The following KSR2 variants were observed in gnomAD, a reference collection of about 807,000 sequenced individuals.
KSR2 encodes kinase suppressor of ras 2.
Under a neutral mutation model 107.8 loss-of-function variants are expected in KSR2, and 25 were observed. The observed-to-expected ratio is 0.23, with a 90% CI of 0.17 to 0.32. The LOEUF is 0.32. Ranked by LOEUF, KSR2 falls within the 10% of genes least tolerant of loss-of-function variation. The pLI is 1.00. For synonymous variants in KSR2, 480 were observed against 507.0 expected (o/e 0.95, Z 0.71); for missense variants, 887 against 1,268.9 (o/e 0.70, Z 4.57).
At chr12:117,517,387 T>C (rs536113765) in intron 14 of KSR2, among the ~76,000 whole-genome samples, 1 of 152,310 alleles carries the variant, frequency 6.6e-6, no homozygotes, top group Non-Finnish European at 1.5e-5. Context: ...TTTTCTTCTT[T>C]CTGCTGATCT....
intron 5 of KSR2, among the ~76,000 whole-genome samples, chr12:117,656,994 AT>A (rs1350892626): frequency 9.0e-6 from 1 of 110,548 alleles, no homozygotes; most frequent in Non-Finnish European, 1.8e-5. Flanking sequence ...ATATATATAT[AT>A]ATATATATAT....
intron 3 of KSR2, among the ~76,000 whole-genome samples, chr12:117,838,686 G>A (rs1892343351): frequency 6.6e-6 from 1 of 152,084 alleles, no homozygotes; most frequent in Admixed American, 6.6e-5. Flanking sequence ...CCACTACAGA[G>A]TTCTCCACAG....
intron 3 of KSR2, among the ~76,000 whole-genome samples, chr12:117,788,853 CTGATCT>C (rs1282707405): frequency 6.6e-6 from 1 of 152,170 alleles, no homozygotes; most frequent in East Asian, 1.9e-4. Context: ...GAAGACAAAG[CTGATCT>C]TCTCAAGTTG....
At chr12:117,617,200 T>G (rs1325632417) in intron 5 of KSR2, among the ~76,000 whole-genome samples, 1 of 152,216 alleles carries the variant, frequency 6.6e-6, no homozygotes, top group African/African-American at 2.4e-5. Context: ...ACCTTTTCAA[T>G]GGGTCCTATA....
intron 3 of KSR2, among the ~76,000 whole-genome samples, chr12:117,794,106 T>A (rs62644115): frequency 0.63 from 24,662 of 39,296 alleles, 8,416 homozygotes; most frequent in African/African-American, 0.89. Flanking sequence ...ACATGCACAC[T>A]CACACCAACA....
intron 4 of KSR2, among the ~76,000 whole-genome samples, chr12:117,711,630 G>A (rs929977507): frequency 5.3e-5 from 8 of 152,318 alleles, no homozygotes; most frequent in Non-Finnish European, 8.8e-5. Context: ...GAAGACAGGA[G>A]TCTGGGATGC....
intron 5 of KSR2, among the ~76,000 whole-genome samples, chr12:117,583,949 G>A (rs943338671): frequency 1.3e-5 from 2 of 152,176 alleles, no homozygotes; most frequent in African/African-American, 2.4e-5. Flanking sequence ...TCGGGGAGCC[G>A]GGCATGTCAG....
intron 4 of KSR2, among the ~76,000 whole-genome samples, chr12:117,752,348 C>T (rs1387793827): frequency 6.6e-6 from 1 of 152,154 alleles, no homozygotes; most frequent in East Asian, 1.9e-4. Context: ...TCTAGATGTG[C>T]TTTGGGGAAA....
At chr12:117,945,579 CAGG>C (rs1447325062) in intron 1 of KSR2, among the ~76,000 whole-genome samples, 1 of 152,118 alleles carries the variant, frequency 6.6e-6, no homozygotes, top group Non-Finnish European at 1.5e-5. Flanking sequence ...GAGGCTGAGG[CAGG>C]AGAATTACTT....
intron 4 of KSR2, among the ~76,000 whole-genome samples, chr12:117,732,493 T>G (rs933601819): frequency 6.6e-6 from 1 of 152,132 alleles, no homozygotes; most frequent in Non-Finnish European, 1.5e-5. Flanking sequence ...TTTCACCATG[T>G]TGGCCAGGTT....
At chr12:117,611,798 A>G (rs1184746647) in intron 5 of KSR2, among the ~76,000 whole-genome samples, 1 of 152,224 alleles carries the variant, frequency 6.6e-6, no homozygotes, top group Non-Finnish European at 1.5e-5. Context: ...AAGAAAGGAA[A>G]TTCTGACACA....
chr12:117,740,466 T>TGTAGTACATATATTA (rs1888147293), intron 4 of KSR2, among the ~76,000 whole-genome samples: 1 of 48,756 alleles, frequency 2.1e-5, no homozygotes, highest in Non-Finnish European at 4.7e-5. Context: ...ACATATATTA[T>TGTAGTACATATATTA]ATGTAATATA....
chr12:117,821,492 C>T (rs984695929), intron 3 of KSR2, among the ~76,000 whole-genome samples: 5 of 152,142 alleles, frequency 3.3e-5, no homozygotes, highest in African/African-American at 7.2e-5. Flanking sequence ...TGTAGGAATA[C>T]GTATATTCAT....
intron 1 of KSR2, among the ~76,000 whole-genome samples, chr12:117,869,579 G>A (rs959641064): frequency 6.6e-6 from 1 of 152,142 alleles, no homozygotes; most frequent in Non-Finnish European, 1.5e-5. Flanking sequence ...TTCTGTGGAC[G>A]ATTTCTTTTT....
chr12:117,809,776 C>T (rs577911792), intron 3 of KSR2, among the ~76,000 whole-genome samples: 2 of 152,234 alleles, frequency 1.3e-5, no homozygotes, highest in East Asian at 1.9e-4. Context: ...GCATCCAGCT[C>T]CTAGCAGGAG....
rs184640701 is a variant in KSR2, at chr12:117,599,393, C to T, written c.1172-17034G>A. 1.1e-3 allele frequency among the ~76,000 whole-genome samples: 166 copies of T among 152,248 alleles called. 1 individual carries two copies. The highest frequency in any genetic ancestry group is 3.8e-3 in the African/African-American group (157 of 41,552). On this transcript the variant is annotated intron_variant, in intron 5 of 19. Transcript: ENST00000339824. ...AATACGTCAATTGCTGGATTCCTCC[C>T]GCAGAGTTGCTGATTCAGTGAGACA...
intron 4 of KSR2, among the ~76,000 whole-genome samples, chr12:117,746,112 C>G (rs145815737): frequency 5.3e-5 from 8 of 152,152 alleles, no homozygotes; most frequent in Middle Eastern, 3.4e-3. Flanking sequence ...AAAAAAGAGC[C>G]CTTATAGCCA....
At chr12:117,555,046 T>G in intron 9 of KSR2, 123 bp downstream of exon 9, 4 of 1,160,494 alleles carry the variant, frequency 3.4e-6, no homozygotes, top group African/African-American at 1.5e-5. Flanking sequence ...CATCACAGAA[T>G]TAGGGGAGCC....
intron 1 of KSR2, among the ~76,000 whole-genome samples, chr12:117,937,907 T>C (rs1485845177): frequency 2.7e-5 from 4 of 145,968 alleles, no homozygotes; most frequent in African/African-American, 1.0e-4. Flanking sequence ...AAGCAGAGGT[T>C]GCAGTGAGCC....
Sources: allele counts gnomAD v4.1 joint callset (sites outside exome capture counted in the v4.1 genomes callset), GRCh38; gene constraint gnomAD v4.1.1; transcripts MANE v1.5; gene names NCBI Gene and HGNC (gene_info 2026-07-23, HGNC 2026-07-21).